The following PLXNA4 variants were observed in gnomAD, a reference collection of about 807,000 sequenced individuals.
The protein encoded by PLXNA4 is plexin-A4.
In PLXNA4, 44 loss-of-function variants were observed where a neutral mutation model predicts 191.8. That is an observed-to-expected ratio of 0.23 (90% CI 0.18 to 0.29). The LOEUF (loss-of-function observed/expected upper bound fraction) is 0.29. Among genes scored for constraint, PLXNA4 ranks in the 10% least tolerant of loss-of-function variants. The pLI is 1.00. For synonymous variants in PLXNA4, 1,082 were observed against 1,009.5 expected, an observed-to-expected ratio of 1.07 and a Z score of -1.36; for missense variants, 1,800 against 2,488.8, an observed-to-expected ratio of 0.72 and a Z score of 5.89.
In PLXNA4 at chr7:132,596,995, G is replaced by A. The variant is rs183745794; in HGVS notation, c.-87+48933C>T. Among the ~76,000 whole-genome samples, 15 of 152,194 alleles carry A rather than the reference G, an allele frequency of 9.9e-5. No individual in the cohort carries two copies. The East Asian group carries it at 1.4e-3, about 14-fold the overall frequency. On this transcript the variant is annotated intron_variant, in intron 2 of 4. Coordinates refer to the PLXNA4 transcript ENST00000378539. ...GTCACACTAACTACATTGGGAGTAC[G>A]ATTGTGCAGAGCTTTGATTTGGGCT...
chr7:132,266,255 C>T (rs1799855077), intron 4 of PLXNA4: 1 of 152,148 alleles, frequency 6.6e-6, no homozygotes, highest in African/African-American at 2.4e-5. Context: ...GTCCATTTTT[C>T]CAGCCTGCTA....
chr7:132,140,817 TGGAA>T lies in PLXNA4; in HGVS notation c.5226-10_5226-7del. 1.2e-6 allele frequency: 2 copies of T among 1,613,548 alleles called. No individual in the cohort carries two copies. The highest frequency in any genetic ancestry group is 1.7e-6 in the Non-Finnish European group (2 of 1,179,836). On this transcript the variant is annotated splice_polypyrimidine_tract_variant and splice_region_variant and intron_variant, in intron 29 of 31. Transcript: ENST00000321063. ...CCCAAAACCTCAGGGGCAGGCTGCG[TGGAA>T]GGAAGAGGCAGATGGTCAGGAAAGA...
intron 3 of PLXNA4, among the ~76,000 whole-genome samples, chr7:132,405,988 C>T (rs766286560): frequency 6.6e-6 from 1 of 152,150 alleles, no homozygotes. Flanking sequence ...GAGTTTGTGG[C>T]CCCCTGGCTT....
intron 3 of PLXNA4, among the ~76,000 whole-genome samples, chr7:132,447,411 A>T (rs1205329455): frequency 6.6e-6 from 1 of 152,166 alleles, no homozygotes; most frequent in Non-Finnish European, 1.5e-5. Context: ...GTGAATTTTG[A>T]TCTCCTAAGT....
intron 1 of PLXNA4, among the ~76,000 whole-genome samples, chr7:132,529,986 C>A (rs1172549141): frequency 6.6e-6 from 1 of 152,186 alleles, no homozygotes; most frequent in Non-Finnish European, 1.5e-5. Context: ...GATGAGGAAG[C>A]AGTCCCAGGG....
chr7:132,170,335 A>G (rs1584790130), intron 21 of PLXNA4, among the ~76,000 whole-genome samples: 1 of 152,320 alleles, frequency 6.6e-6, no homozygotes, highest in East Asian at 1.9e-4. Context: ...CCCAAGACAC[A>G]GAAGGGTGGA....
chr7:132,524,968 G>A (rs2116392082), intron 1 of PLXNA4, among the ~76,000 whole-genome samples: 1 of 152,230 alleles, frequency 6.6e-6, no homozygotes, highest in African/African-American at 2.4e-5. Context: ...GTACAGTTCA[G>A]TGACATTAAG....
At chr7:132,574,616 C>G (rs1802139485) in intron 1 of PLXNA4, among the ~76,000 whole-genome samples, 1 of 152,214 alleles carries the variant, frequency 6.6e-6, no homozygotes, top group Non-Finnish European at 1.5e-5. Flanking sequence ...TTTCTTCCCC[C>G]TACTGGGGTC....
upstream of PLXNA4, among the ~76,000 whole-genome samples, chr7:132,578,484 G>A (rs1387647987): frequency 1.3e-5 from 2 of 152,200 alleles, no homozygotes; most frequent in Non-Finnish European, 2.9e-5. Flanking sequence ...AGGTGGACAT[G>A]ACTGATAATG....
At chr7:132,227,349 T>A (rs754975841) in intron 7 of PLXNA4, 102 bp downstream of exon 7, 6 of 1,488,246 alleles carry the variant, frequency 4.0e-6, no homozygotes, top group Non-Finnish European at 5.5e-6. Flanking sequence ...TCTGACTCTC[T>A]CCTGCCTGCA....
chr7:132,533,361 C>T (rs530418266), intron 1 of PLXNA4, among the ~76,000 whole-genome samples: 1 of 152,188 alleles, frequency 6.6e-6, no homozygotes, highest in African/African-American at 2.4e-5. Flanking sequence ...AACATAAACT[C>T]AGGAACTGGA....
chr7:132,581,552 G>T (rs766271293), upstream of PLXNA4, among the ~76,000 whole-genome samples: 2 of 152,212 alleles, frequency 1.3e-5, no homozygotes, highest in Non-Finnish European at 2.9e-5. Flanking sequence ...GAAATCCACT[G>T]CCCATGAGCC....
intron 14 of PLXNA4, among the ~76,000 whole-genome samples, chr7:132,188,984 G>GAAAGC (rs1796977219): frequency 1.9e-5 from 1 of 52,790 alleles, no homozygotes; most frequent in East Asian, 7.2e-4. Flanking sequence ...GAAAGGAAAG[G>GAAAGC]AAAGGAAAGG....
At position 132,198,582 on chromosome 7, in the gene PLXNA4, C is replaced by T; in HGVS notation, c.2641G>A (p.Glu881Lys). Reference sequence around the variant, plus strand: ...TCGCGAAATTCCAGGCCCAGGTTCTCCCCTCGGATAGTGACCTTGGTGCCC... The same window carrying T: ...TCGCGAAATTCCAGGCCCAGGTTCTTCCCTCGGATAGTGACCTTGGTGCCC... ...EGGTKVTIRG[E>K]NLGLEFRDIA... The change falls in exon 13 of 32, where the codon GAG (glutamate) becomes AAG (lysine). Residue 881 changes from glutamate to lysine, a missense_variant. Glu to Lys is a moderately conservative substitution (Grantham distance 56, BLOSUM62 1). Around this residue, in one of 6 missense-constraint regions of PLXNA4, gnomAD observed 1,397 missense variants for 1,880.4 expected, o/e 0.74. Coordinates refer to ENST00000321063, the MANE Select transcript of PLXNA4 (RefSeq NM_020911.2). 6.2e-7 allele frequency: 1 copy of T among 1,614,250 alleles called. No individual in the cohort carries two copies. The highest frequency in any genetic ancestry group is 8.5e-7 in the Non-Finnish European group (1 of 1,180,048).
intron 3 of PLXNA4, among the ~76,000 whole-genome samples, chr7:132,474,343 C>T (rs186915003): frequency 1.6e-4 from 24 of 151,768 alleles, no homozygotes; most frequent in Admixed American, 1.2e-3. Flanking sequence ...GTAGAGGCAA[C>T]GTGAGATTTT....
Position 132,620,438 on chromosome 7 carries a change from T to C in PLXNA4, c.-87+25490A>G, listed in dbSNP as rs183266707. On this transcript the variant is annotated intron_variant, in intron 2 of 4. Transcript: ENST00000378539. ...AATTTATTTTATATAACATCTTTAC[T>C]CTTATTAATTTGTTTTTAATTATAT... 2.4e-4 allele frequency among the ~76,000 whole-genome samples: 36 copies of C among 152,332 alleles called. No homozygotes were observed. The East Asian group carries it at 6.4e-3, about 27-fold the overall frequency.
intron 3 of PLXNA4, among the ~76,000 whole-genome samples, chr7:132,385,467 C>T (rs555269663): frequency 3.3e-5 from 5 of 152,276 alleles, no homozygotes; most frequent in African/African-American, 1.2e-4. Flanking sequence ...TGGAGCAGAA[C>T]TAACAAGGCC....
chr7:132,194,043 A>T lies in PLXNA4; in HGVS notation c.2856+19T>A. 6.2e-7 allele frequency: 1 copy of T among 1,608,116 alleles called. No homozygotes were observed. The highest frequency in any genetic ancestry group is 8.5e-7 in the Non-Finnish European group (1 of 1,175,700). Reference sequence around the variant, plus strand: ...TCTGTGGCCTGCACCCAGCCAGATCACTGCTGGCCAAGACTCACCATGAAG... The same window carrying T: ...TCTGTGGCCTGCACCCAGCCAGATCTCTGCTGGCCAAGACTCACCATGAAG... On this transcript the variant is annotated intron_variant, in intron 14 of 31. Coordinates refer to ENST00000321063, the MANE Select transcript of PLXNA4 (RefSeq NM_020911.2).
intron 3 of PLXNA4, among the ~76,000 whole-genome samples, chr7:132,471,731 GA>G (rs1337741902): frequency 6.6e-6 from 1 of 152,144 alleles, no homozygotes; most frequent in East Asian, 1.9e-4. Flanking sequence ...GGAGGAGGAG[GA>G]GGGGCGCTCT....
Sources: allele counts gnomAD v4.1 joint callset (sites outside exome capture counted in the v4.1 genomes callset), GRCh38; gene constraint gnomAD v4.1.1; regional missense constraint gnomAD v4.1.1; transcripts MANE v1.5; gene names NCBI Gene and HGNC (gene_info 2026-07-23, HGNC 2026-07-21).